Variants in ITPKC observed in about 807,000 individuals in gnomAD.
The protein encoded by ITPKC is IP3 3-kinase C.
In ITPKC, 33 loss-of-function variants were observed where a neutral mutation model predicts 67.1. The observed-to-expected ratio is 0.49, with a 90% CI of 0.37 to 0.66. The LOEUF (loss-of-function observed/expected upper bound fraction) is 0.66, where lower values mean the gene tolerates loss of function less well. Ranked by LOEUF, ITPKC falls within the 30% of genes least tolerant of loss-of-function variation. ITPKC has a pLI of 0.00. For missense variants in ITPKC, 820 were observed against 892.1 expected (o/e 0.92, Z 1.03); for synonymous variants, 341 against 359.8 (o/e 0.95, Z 0.59).
intron 4 of ITPKC, among the ~76,000 whole-genome samples, chr19:40,733,621 C>T (rs1258975212): frequency 6.6e-6 from 1 of 152,230 alleles, no homozygotes; most frequent in Non-Finnish European, 1.5e-5. Flanking sequence ...GCCCCATCTT[C>T]TCCTGCCTCT....
At position 40,740,200 on chromosome 19, in the gene ITPKC, TG is replaced by T. The variant is rs2082318135; in HGVS notation, c.*643del. 1.3e-5 allele frequency: 2 copies of T among 153,048 alleles called. No individual in the cohort carries two copies. The highest frequency in any genetic ancestry group is 2.9e-5 in the Non-Finnish European group (2 of 68,482). 9.5% of individuals were successfully genotyped at this position (153,048 alleles called of 1,614,324 possible). A position where few individuals can be genotyped will look rare whatever the true frequency, so the allele number is the denominator to read the frequency against. On this transcript the variant is annotated 3_prime_UTR_variant, in exon 7 of 7. Transcript: ENST00000263370. ...GGTATCCTGCCCTGCTGTGGCCCTG[TG>T]GGATCCTCCGTGTTCCTCGGCGGAC...
chr19:40,717,499 A>G lies in ITPKC; in HGVS notation c.364A>G (p.Thr122Ala), dbSNP rs2082196101. 6.2e-7 allele frequency: 1 copy of G among 1,614,010 alleles called. No individual in the cohort carries two copies. The highest frequency in any genetic ancestry group is 1.7e-5 in the Admixed American group (1 of 60,000). The change falls in exon 1 of 7, where the codon ACG (threonine) becomes GCG (alanine). Residue 122 changes from threonine (T) to alanine (A), a missense_variant. Thr to Ala is a moderately conservative substitution (Grantham distance 58). Around this residue, in one of 2 missense-constraint regions of ITPKC, gnomAD observed 481 missense variants for 470.1 expected, o/e 1.02. Transcript: ENST00000263370. The part of the protein sequence containing the change: ...KTEPDRSSLR[T>A]HLEWSWSELE... ...GGAGCCAGACAGGTCCAGCCTCCGG[A>G]CGCATCTAGAATGGAGCTGGTCAGA...
chr19:40,724,219 C>T (rs916003086), intron 1 of ITPKC, among the ~76,000 whole-genome samples: 3 of 152,078 alleles, frequency 2.0e-5, no homozygotes, highest in South Asian at 2.1e-4. Context: ...CCAGCCTGGG[C>T]AACATAGCAA....
intron 2 of ITPKC, among the ~76,000 whole-genome samples, chr19:40,726,460 A>G (rs137899408): frequency 6.6e-6 from 1 of 152,196 alleles, no homozygotes; most frequent in African/African-American, 2.4e-5. Flanking sequence ...TTGTGGGCCT[A>G]TGGTCTCTGT....
Position 40,739,448 on chromosome 19 carries a change from A to AC in ITPKC, c.1942dup (p.His648ProfsTer12). ...TTCGGCAAGACGGTGGCCTTGCCCG[A>AC]CCACCAGACGCTCAGCCACAGGCTG... On this transcript the variant is annotated frameshift_variant, in exon 7 of 7. Transcript: ENST00000263370. LOFTEE classifies it high-confidence loss of function. 1 of 1,613,548 alleles carries AC rather than the reference A, an allele frequency of 6.2e-7. No individual in the cohort carries two copies. The highest frequency in any genetic ancestry group is 8.5e-7 in the Non-Finnish European group (1 of 1,179,996).
intron 3 of ITPKC, among the ~76,000 whole-genome samples, chr19:40,730,938 A>G (rs959551076): frequency 1.3e-5 from 2 of 152,184 alleles, no homozygotes; most frequent in Non-Finnish European, 2.9e-5. Context: ...ATAGTGTCAG[A>G]TCCCACAGGT....
At chr19:40,735,045 G>T (rs1479523952) in intron 4 of ITPKC, among the ~76,000 whole-genome samples, 1 of 152,190 alleles carries the variant, frequency 6.6e-6, no homozygotes, top group Non-Finnish European at 1.5e-5. Flanking sequence ...CTCACAAAGT[G>T]CTGGGATGAT....
At chr19:40,734,749 C>G (rs1416667505) in intron 4 of ITPKC, among the ~76,000 whole-genome samples, 1 of 150,358 alleles carries the variant, frequency 6.7e-6, no homozygotes, top group African/African-American at 2.4e-5. Context: ...GACGTGATTA[C>G]TGGCACGCAC....
In ITPKC at chr19:40,718,100, G is replaced by C. The variant is rs2082200615; in HGVS notation, c.965G>C (p.Ser322Thr). The C allele has an allele frequency of 1.2e-6, 2 of 1,613,264 alleles. No individual in the cohort carries two copies. Residue 322 changes from serine (S) to threonine (T), a missense_variant, in exon 1 of 7, where the codon AGC (serine) becomes ACC (threonine). This residue lies in a region of ITPKC where 481 missense variants were observed against 470.1 expected (regional missense o/e 1.02). Coordinates refer to ENST00000263370, the MANE Select transcript of ITPKC (RefSeq NM_025194.3). ...LTHLYSHLKC[S>T]PLCPVPRLII... Reference sequence around the variant, plus strand: ...CACCTGTACTCTCACCTGAAGTGTAGCCCCCTGTGCCCTGTGCCCCGCCTC... The same window carrying C: ...CACCTGTACTCTCACCTGAAGTGTACCCCCCTGTGCCCTGTGCCCCGCCTC...
intron 2 of ITPKC, among the ~76,000 whole-genome samples, chr19:40,725,881 A>T (rs2082244284): frequency 6.6e-6 from 1 of 152,008 alleles, no homozygotes; most frequent in South Asian, 2.1e-4. Context: ...AAACAGGAGG[A>T]TCGCTTGAGC....
At position 40,729,187 on chromosome 19, in the gene ITPKC, T is replaced by C. The variant is rs751093488; in HGVS notation, c.1256-15T>C. On this transcript the variant is annotated splice_polypyrimidine_tract_variant and intron_variant, in intron 2 of 6. Transcript: ENST00000263370. Reference sequence around the variant, plus strand: ...ATCCAGTTCCTGATCCTCTCATTTATTCTACCACCTTTAGGGAACTTCCAG... The same window carrying C: ...ATCCAGTTCCTGATCCTCTCATTTACTCTACCACCTTTAGGGAACTTCCAG... 4 of 1,608,844 alleles carry C rather than the reference T, an allele frequency of 2.5e-6. No individual in the cohort carries two copies. Among genetic ancestry groups the C allele is most frequent in the Middle Eastern group, 1.7e-4 (1 of 6,046 alleles).
In ITPKC at chr19:40,720,323, C is replaced by G. The variant is rs192647429; in HGVS notation, c.1155+2033C>G. ...CGGAGGTTGCAGTGAGCCGAGATTG[C>G]ACCACTGCACTCCAGCCTGGGTGAC... On this transcript the variant is annotated intron_variant, in intron 1 of 6. Transcript: ENST00000263370. Among the ~76,000 whole-genome samples, 385 of 151,214 alleles carry G rather than the reference C, an allele frequency of 2.5e-3. 1 individual carries two copies. Among genetic ancestry groups the G allele is most frequent in the African/African-American group, 9.1e-3 (375 of 41,126 alleles).
At chr19:40,725,487 G>A (rs2082242550) in intron 2 of ITPKC, 48 bp downstream of exon 2, 3 of 1,265,622 alleles carry the variant, frequency 2.4e-6, no homozygotes, top group South Asian at 2.4e-5. Context: ...TCCTGGGCCA[G>A]GGAAAGGGAT....
At chr19:40,736,945 G>A in intron 4 of ITPKC, 41 bp from the exon 5 acceptor site, 1 of 1,403,704 alleles carries the variant, frequency 7.1e-7, no homozygotes, top group Non-Finnish European at 9.9e-7. Flanking sequence ...GTGCGGGAAG[G>A]AAAAGCCCAT....
rs371358958 is a variant in ITPKC at position 40,718,190 on chromosome 19, G to A, written c.1055G>A (p.Gly352Glu). The A allele has an allele frequency of 3.0e-5, 48 of 1,577,400 alleles. No individual in the cohort carries two copies. The African/African-American group carries it at 3.4e-4, about 11-fold the overall frequency. Residue 352 changes from glycine (G) to glutamate (E), a missense_variant, in exon 1 of 7, where the codon GGG becomes GAG. This residue lies in a region of ITPKC where 481 missense variants were observed against 470.1 expected (regional missense o/e 1.02). Coordinates refer to ENST00000263370, the MANE Select transcript of ITPKC (RefSeq NM_025194.3). ...QPVGPPSRVEGGSGGFSSASS... is the reference protein window; with the variant it reads ...QPVGPPSRVEEGSGGFSSASS... ...GTGGGACCCCCCTCCCGGGTTGAGG[G>A]GGGCAGCGGCGGCTTCTCCTCTGCC...
At chr19:40,729,767 C>CA (rs1456369865) in intron 3 of ITPKC, among the ~76,000 whole-genome samples, 2 of 146,466 alleles carry the variant, frequency 1.4e-5, no homozygotes, top group South Asian at 2.1e-4. Flanking sequence ...AACCCTGTCT[C>CA]AAAAAAAAGA....
At position 40,733,253 on chromosome 19, in the gene ITPKC, C is replaced by T. The variant is rs747671324; in HGVS notation, c.1563C>T (p.Ala521=). Residue 521 remains alanine (A), a synonymous_variant, in exon 4 of 7, where the codon GCC becomes GCT. Transcript: ENST00000263370. The stretch of plus-strand genomic sequence containing the variant: ...AGATGGTGGCTGTGGACCCTGGGGC[C>T]CCTACCCCTGAGGAGCATGCCCAGG... ...YEKMVAVDPG[A]PTPEEHAQGA... is the part of the protein sequence containing the mutation. The T allele has an allele frequency of 6.2e-7, 1 of 1,614,194 alleles. No homozygotes were observed. Among genetic ancestry groups the T allele is most frequent in the South Asian group, 1.1e-5 (1 of 91,088 alleles).
chr19:40,736,553 G>A (rs577881791), intron 4 of ITPKC, among the ~76,000 whole-genome samples: 65 of 152,152 alleles, frequency 4.3e-4, no homozygotes, highest in African/African-American at 1.5e-3. Context: ...ACCCAGGCTC[G>A]AATGTAGTGG....
intron 3 of ITPKC, 43 bp from the exon 4 acceptor site, chr19:40,733,117 T>A: frequency 6.4e-7 from 1 of 1,569,262 alleles, no homozygotes; most frequent in Non-Finnish European, 8.8e-7. Flanking sequence ...GCCCTCCAGT[T>A]TGTTCTACAT....
Sources: allele counts gnomAD v4.1 joint callset (sites outside exome capture counted in the v4.1 genomes callset), GRCh38; gene constraint gnomAD v4.1.1; regional missense constraint gnomAD v4.1.1; transcripts MANE v1.5; gene names NCBI Gene and HGNC (gene_info 2026-07-23, HGNC 2026-07-21).